COL26A1: variants seen among roughly 807,000 people sequenced by gnomAD.
The protein encoded by COL26A1 is collagen alpha-1(XXVI) chain.
A neutral mutation model predicts 59.3 loss-of-function variants in COL26A1; 41 were observed. That is an observed-to-expected ratio of 0.69 (90% CI 0.54 to 0.90). COL26A1 has a LOEUF of 0.90. Ranked by LOEUF, COL26A1 falls within the 40% of genes least tolerant of loss-of-function variation. COL26A1 has a pLI of 0.00. For synonymous variants in COL26A1, 266 were observed against 256.0 expected (o/e 1.04, Z -0.37); for missense variants, 612 against 602.3 (o/e 1.02, Z -0.17).
intron 9 of COL26A1, 74 bp from the exon 10 acceptor site, chr7:101,551,034 G>C: frequency 6.9e-7 from 1 of 1,450,190 alleles, no homozygotes; most frequent in Non-Finnish European, 9.5e-7. Context: ...TGGGCGGGGA[G>C]GGGGGTGGCC....
At chr7:101,418,843 T>C (rs1792439372) in intron 1 of COL26A1, among the ~76,000 whole-genome samples, 1 of 151,956 alleles carries the variant, frequency 6.6e-6, no homozygotes, top group Non-Finnish European at 1.5e-5. Flanking sequence ...TTTGTGTACG[T>C]CCCTTCCTCT....
intron 12 of COL26A1, among the ~76,000 whole-genome samples, chr7:101,557,038 TGGATGGAC>T (rs201309738): frequency 0.013 from 1,006 of 76,316 alleles, 14 homozygotes; most frequent in African/African-American, 0.032. Flanking sequence ...GATGGATGGA[TGGATGGAC>T]GGGCAGGTAA....
At chr7:101,420,588 C>T (rs987485781) in intron 2 of COL26A1, among the ~76,000 whole-genome samples, 2 of 152,058 alleles carry the variant, frequency 1.3e-5, no homozygotes, top group African/African-American at 4.8e-5. Context: ...CCTCACGAGG[C>T]CTGCCTTTCA....
At chr7:101,438,095 C>T (rs996015269) in intron 2 of COL26A1, among the ~76,000 whole-genome samples, 1 of 151,446 alleles carries the variant, frequency 6.6e-6, no homozygotes, top group East Asian at 1.9e-4. Flanking sequence ...GGCGAGGTGG[C>T]TCATGCCTGT....
chr7:101,445,350 A>G (rs544718967), intron 2 of COL26A1, among the ~76,000 whole-genome samples: 32 of 152,168 alleles, frequency 2.1e-4, no homozygotes, highest in African/African-American at 7.5e-4. Context: ...ACAGTTCTGC[A>G]GGTTTACAAG....
intron 3 of COL26A1, among the ~76,000 whole-genome samples, chr7:101,528,537 C>T (rs1056452466): frequency 2.6e-5 from 4 of 151,756 alleles, no homozygotes; most frequent in Admixed American, 6.6e-5. Flanking sequence ...CTCCTCTCCC[C>T]TCCTGTCCTC....
At chr7:101,396,205 C>T (rs1242839594) in intron 1 of COL26A1, among the ~76,000 whole-genome samples, 2 of 151,992 alleles carry the variant, frequency 1.3e-5, no homozygotes, top group Non-Finnish European at 2.9e-5. Flanking sequence ...GAGGTTGAGG[C>T]TGCAGTGAGC....
At chr7:101,414,432 TTGTGTG>T (rs34282686) in intron 1 of COL26A1, among the ~76,000 whole-genome samples, 149 of 146,270 alleles carry the variant, frequency 1.0e-3, no homozygotes, top group African/African-American at 3.1e-3. Flanking sequence ...CACTCTGTGT[TTGTGTG>T]TGTGTGTGTG....
chr7:101,372,516 T>C (rs1321835292), intron 1 of COL26A1, among the ~76,000 whole-genome samples: 1 of 152,182 alleles, frequency 6.6e-6, no homozygotes, highest in African/African-American at 2.4e-5. Context: ...TAGGGAAATG[T>C]TCTAGTGGAT....
rs1251835349 is a variant in COL26A1, at chr7:101,540,094, A to G, written c.604+45A>G. 2.6e-6 allele frequency: 4 copies of G among 1,562,662 alleles called. No homozygotes were observed. In the East Asian group the frequency reaches 6.8e-5, roughly 27 times the overall value. ...AGGACAGGCTGGGGCAGCCGAAGGG[A>G]CCTTGGGCATGGCCTCCCAGGGCCT... On this transcript the variant is annotated intron_variant, in intron 5 of 12. Coordinates refer to ENST00000313669, the MANE Select transcript of COL26A1 (RefSeq NM_001278563.3).
At chr7:101,469,965 T>C (rs1793854892) in intron 3 of COL26A1, among the ~76,000 whole-genome samples, 1 of 152,110 alleles carries the variant, frequency 6.6e-6, no homozygotes, top group Admixed American at 6.6e-5. Flanking sequence ...TCAAGATTCG[T>C]TGTCTCACGA....
chr7:101,536,400 C>T (rs1351851208), intron 4 of COL26A1, among the ~76,000 whole-genome samples: 1 of 152,236 alleles, frequency 6.6e-6, no homozygotes, highest in African/African-American at 2.4e-5. Context: ...GGGCTAGTTG[C>T]CAAGACAGCC....
chr7:101,399,794 AT>A (rs1253386248), intron 1 of COL26A1, among the ~76,000 whole-genome samples: 7 of 152,198 alleles, frequency 4.6e-5, no homozygotes, highest in African/African-American at 1.7e-4. Flanking sequence ...CCCATGGGAA[AT>A]AATCTGATCA....
chr7:101,466,312 G>A (rs1793756548), intron 3 of COL26A1, among the ~76,000 whole-genome samples: 1 of 152,108 alleles, frequency 6.6e-6, no homozygotes, highest in African/African-American at 2.4e-5. Context: ...AGTACCTGAT[G>A]TGGCACAATT....
intron 4 of COL26A1, among the ~76,000 whole-genome samples, chr7:101,533,779 C>T (rs947914576): frequency 2.0e-5 from 3 of 149,776 alleles, no homozygotes; most frequent in Non-Finnish European, 4.4e-5. Flanking sequence ...GTTTTGAGAA[C>T]GTTTCAGGGG....
At chr7:101,520,034 C>T (rs966141052) in intron 3 of COL26A1, among the ~76,000 whole-genome samples, 23 of 152,244 alleles carry the variant, frequency 1.5e-4, no homozygotes, top group Middle Eastern at 3.4e-3. Flanking sequence ...TAAAATGGGG[C>T]AATAATCCCC....
chr7:101,557,593 C>T lies in COL26A1; in HGVS notation c.*63C>T, dbSNP rs11769422. 8.7e-5 allele frequency: 131 copies of T among 1,497,638 alleles called. No homozygotes were observed. The highest frequency in any genetic ancestry group is 4.2e-4 in the Middle Eastern group (2 of 4,780). The allele number at this position is 1,497,638 out of a possible 1,614,324, so 92.8% of individuals were successfully genotyped here. ...ACCCAGCCCCAGAGGCCTGAGCCGC[C>T]GCTGTTTCCTAAAGATGCCCCCAGG... On this transcript the variant is annotated 3_prime_UTR_variant, in exon 13 of 13. Coordinates refer to ENST00000313669, the MANE Select transcript of COL26A1 (RefSeq NM_001278563.3).
intron 1 of COL26A1, among the ~76,000 whole-genome samples, chr7:101,394,589 T>C (rs2057946): frequency 0.16 from 23,048 of 142,768 alleles, 1,970 homozygotes; most frequent in South Asian, 0.2. Flanking sequence ...TCTTTTCTTT[T>C]TTTTTTTTTT....
At chr7:101,498,405 G>A (rs1326875937) in intron 3 of COL26A1, among the ~76,000 whole-genome samples, 2 of 152,164 alleles carry the variant, frequency 1.3e-5, no homozygotes, top group Admixed American at 1.3e-4. Flanking sequence ...CCTGCCTTTG[G>A]GGACCTCAGA....
Sources: allele counts gnomAD v4.1 joint callset (sites outside exome capture counted in the v4.1 genomes callset), GRCh38; gene constraint gnomAD v4.1.1; transcripts MANE v1.5; gene names NCBI Gene and HGNC (gene_info 2026-07-23, HGNC 2026-07-21).